FAM3B: variants seen among roughly 807,000 people sequenced by gnomAD.
The protein encoded by FAM3B is protein FAM3B.
Under a neutral mutation model 28.4 loss-of-function variants are expected in FAM3B, and 29 were observed. That is an observed-to-expected ratio of 1.02 (90% CI 0.76 to 1.39). The LOEUF (loss-of-function observed/expected upper bound fraction) is 1.39. FAM3B is among the 40% of genes most tolerant of loss of function. The pLI, the probability that FAM3B is intolerant of heterozygous loss-of-function variation, is 0.00. For synonymous variants in FAM3B, 91 were observed against 103.0 expected, an observed-to-expected ratio of 0.88 and a Z score of 0.71; for missense variants, 266 against 293.9, an observed-to-expected ratio of 0.91 and a Z score of 0.69.
chr21:41,328,070 C>T (rs1029246165), intron 2 of FAM3B, among the ~76,000 whole-genome samples: 1 of 152,244 alleles, frequency 6.6e-6, no homozygotes, highest in Non-Finnish European at 1.5e-5. Flanking sequence ...TTTCTGACAG[C>T]AGGGCCTGGT....
chr21:41,322,599 G>T, intron 1 of FAM3B: 1 of 717,388 alleles, frequency 1.4e-6, no homozygotes, highest in Non-Finnish European at 2.6e-6. Flanking sequence ...TTCACGTTGG[G>T]CATGCTGGCT....
intron 2 of FAM3B, among the ~76,000 whole-genome samples, chr21:41,327,518 T>C (rs1321780698): frequency 2.0e-5 from 3 of 152,218 alleles, no homozygotes; most frequent in Non-Finnish European, 2.9e-5. Flanking sequence ...GCATTCCCAT[T>C]TCCATTTGTC....
chr21:41,336,546 T>C (rs973227122), intron 2 of FAM3B, among the ~76,000 whole-genome samples: 2 of 152,156 alleles, frequency 1.3e-5, no homozygotes, highest in African/African-American at 4.8e-5. Flanking sequence ...GTTTAAGAAA[T>C]AAATTTGTGT....
chr21:41,316,671 ACAGCC>A, upstream of FAM3B: 1 of 398,846 alleles, frequency 2.5e-6, no homozygotes, highest in Non-Finnish European at 4.4e-6. Flanking sequence ...AGCCCGGGGC[ACAGCC>A]CCGCGCACCT....
intron 5 of FAM3B, 69 bp downstream of exon 5, chr21:41,345,805 G>GAAA: frequency 9.9e-7 from 1 of 1,005,554 alleles, no homozygotes; most frequent in Non-Finnish European, 1.5e-6. Flanking sequence ...AAAGCACAAA[G>GAAA]AAAAATGTCA....
chr21:41,332,462 G>A lies in FAM3B; in HGVS notation c.164-5916G>A, dbSNP rs548683253. ...AGGAATTTGGCATCTACGTTCATCC[G>A]GGATATTGACCTACACTTTTATTTT... On this transcript the variant is annotated intron_variant, in intron 2 of 7. Transcript: ENST00000357985. Among the ~76,000 whole-genome samples, 763 of 152,178 alleles carry A rather than the reference G, an allele frequency of 5.0e-3. 4 individuals are homozygous for A. The highest frequency in any genetic ancestry group is 7.4e-3 in the Non-Finnish European group (502 of 68,016).
chr21:41,326,601 C>T lies in FAM3B; in HGVS notation c.163+3535C>T, dbSNP rs543074207. On this transcript the variant is annotated intron_variant, in intron 2 of 7. Transcript: ENST00000357985. This position sits in a 1 kb window ranked among gnomAD's most constrained non-coding sequence, Gnocchi z 4.0. ...GGAGGCCATGCTCATGGCTGACGGG[C>T]TGCCAGGCCCTGGCGTGGGGACCTG... Among the ~76,000 whole-genome samples the T allele has an allele frequency of 3.9e-5, 6 of 152,364 alleles. No individual in the cohort carries two copies. The highest frequency in any genetic ancestry group is 1.4e-4 in the African/African-American group (6 of 41,598).
chr21:41,308,901 A>G (rs1367414689), intron 1 of FAM3B, among the ~76,000 whole-genome samples: 2 of 152,144 alleles, frequency 1.3e-5, no homozygotes, highest in Non-Finnish European at 2.9e-5. Flanking sequence ...TGGCAGGGTC[A>G]CACAGACTCT....
intron 2 of FAM3B, among the ~76,000 whole-genome samples, chr21:41,336,095 A>G (rs1040002013): frequency 7.2e-5 from 11 of 152,182 alleles, no homozygotes; most frequent in African/African-American, 2.2e-4. Flanking sequence ...CGTATAAAAG[A>G]GATTGAAGGA....
upstream of FAM3B, among the ~76,000 whole-genome samples, chr21:41,312,087 A>G (rs11909093): frequency 0.36 from 54,906 of 151,972 alleles, 10,378 homozygotes; most frequent in East Asian, 0.67. Flanking sequence ...CTTTCACTAG[A>G]CCCCTCCCAC....
chr21:41,338,577 C>G lies in FAM3B; in HGVS notation c.287+76C>G. On this transcript the variant is annotated intron_variant, in intron 3 of 7. Coordinates refer to ENST00000357985, the MANE Select transcript of FAM3B (RefSeq NM_058186.4). ...CCCTTCCCTGAGGCTGACCAAGCAG[C>G]AGTTCTGCCCACAGGAGAGAACCAT... The G allele has an allele frequency of 1.9e-6, 3 of 1,576,066 alleles. No homozygotes were observed. In the South Asian group the frequency reaches 3.5e-5, roughly 18 times the overall value.
At chr21:41,336,583 AT>A (rs911539950) in intron 2 of FAM3B, among the ~76,000 whole-genome samples, 1 of 152,166 alleles carries the variant, frequency 6.6e-6, no homozygotes, top group Admixed American at 6.5e-5. Flanking sequence ...AGCCTAAGGT[AT>A]TTTTTTAAAA....
intron 3 of FAM3B, among the ~76,000 whole-genome samples, chr21:41,340,152 CTTTTTTTT>C (rs954999865): frequency 5.5e-5 from 7 of 127,156 alleles, no homozygotes; most frequent in African/African-American, 1.7e-4. Flanking sequence ...CTGAAGTTGT[CTTTTTTTT>C]TTTTTTTTTT....
At chr21:41,348,955 A>G (rs543905963) in intron 7 of FAM3B, among the ~76,000 whole-genome samples, 67 of 152,378 alleles carry the variant, frequency 4.4e-4, no homozygotes, top group Non-Finnish European at 7.9e-4. Flanking sequence ...GCTGCAGCCA[A>G]CATGGTCTGT....
chr21:41,343,558 G>A (rs1180415518), intron 3 of FAM3B, among the ~76,000 whole-genome samples: 1 of 152,156 alleles, frequency 6.6e-6, no homozygotes, highest in Non-Finnish European at 1.5e-5. Flanking sequence ...AGGTAAAGGT[G>A]TCAAAACAAA....
In FAM3B at chr21:41,337,449, C is replaced by G. The variant is rs555512724; in HGVS notation, c.164-929C>G. Among the ~76,000 whole-genome samples, 11 of 152,308 alleles carry G rather than the reference C, an allele frequency of 7.2e-5. No homozygotes were observed. The South Asian group carries it at 1.2e-3, about 17-fold the overall frequency. ...CTCCTCGCATTCCAGCCTCAGGTCC[C>G]TCAATCCTCCCAAATTGCTGACCCC... is the stretch of plus-strand genomic sequence containing the variant. On this transcript the variant is annotated intron_variant, in intron 2 of 7. Transcript: ENST00000357985.
chr21:41,350,267 G>A (rs1242043359), intron 7 of FAM3B, among the ~76,000 whole-genome samples: 1 of 152,178 alleles, frequency 6.6e-6, no homozygotes, highest in African/African-American at 2.4e-5. Context: ...ACCCTGGGGA[G>A]CGAATACTGG....
At chr21:41,304,303 G>A (rs767241320) in exon 1 of FAM3B, 15 of 456,058 alleles carry the variant, frequency 3.3e-5, no homozygotes, top group African/African-American at 6.0e-5. Flanking sequence ...GCAGGAGCCC[G>A]AGACTGGGTG....
chr21:41,313,412 T>G (rs2088726749), upstream of FAM3B, among the ~76,000 whole-genome samples: 2 of 152,262 alleles, frequency 1.3e-5, no homozygotes, highest in Non-Finnish European at 1.5e-5. Flanking sequence ...TGTTCTGACT[T>G]CTGTCACCAC....
Sources: allele counts gnomAD v4.1 joint callset (sites outside exome capture counted in the v4.1 genomes callset), GRCh38; gene constraint gnomAD v4.1.1; non-coding constraint Gnocchi (gnomAD v3.1); transcripts MANE v1.5; gene names NCBI Gene and HGNC (gene_info 2026-07-23, HGNC 2026-07-21).